The following FBXO43 variants were observed in gnomAD, a reference collection of about 807,000 sequenced individuals.
FBXO43 encodes the protein F-box protein 43.
In FBXO43, 22 loss-of-function variants were observed where a neutral mutation model predicts 56.7. The observed-to-expected ratio is 0.39, with a 90% confidence interval of 0.28 to 0.55. FBXO43 has a LOEUF of 0.55. Among genes scored for constraint, FBXO43 ranks in the 20% least tolerant of loss-of-function variants. FBXO43 has a pLI of 0.66. For synonymous variants in FBXO43, 306 were observed against 294.5 expected (o/e 1.04, Z -0.40); for missense variants, 733 against 814.9 (o/e 0.90, Z 1.22).
intron 2 of FBXO43, among the ~76,000 whole-genome samples, chr8:100,140,321 T>C (rs931822479): frequency 2.6e-5 from 4 of 152,104 alleles, no homozygotes; most frequent in Admixed American, 6.5e-5. Context: ...CTACAAAAAA[T>C]TAGCCGGGCA....
upstream of FBXO43, among the ~76,000 whole-genome samples, chr8:100,148,384 T>C (rs954895450): frequency 6.6e-6 from 1 of 152,162 alleles, no homozygotes; most frequent in Admixed American, 6.6e-5. Flanking sequence ...TGAGCTGTAA[T>C]TTCATATTCT....
Position 100,141,303 on chromosome 8 carries a change from T to C in FBXO43, c.951A>G (p.Ile317Met), listed in dbSNP as rs1354168052. 3 of 1,614,136 alleles carry C rather than the reference T, an allele frequency of 1.9e-6. No individual in the cohort carries two copies. Among genetic ancestry groups the C allele is most frequent in the Non-Finnish European group, 1.7e-6 (2 of 1,180,044 alleles). ...CTCTCACTTCAGGTGAAGGAGAAAG[T>C]ATTTGACTTGCGTTAAATCTAATGT... is the stretch of plus-strand genomic sequence containing the variant. Reference protein sequence around the residue: ...VANIRFNASQILSPSPEVRGS... With the variant: ...VANIRFNASQMLSPSPEVRGS... Residue 317 changes from isoleucine (I) to methionine (M), a missense_variant, in exon 2 of 5, where the codon ATA becomes ATG. Transcript: ENST00000428847.
chr8:100,147,676 T>A (rs1237044538), upstream of FBXO43, among the ~76,000 whole-genome samples: 1 of 152,198 alleles, frequency 6.6e-6, no homozygotes, highest in Non-Finnish European at 1.5e-5. Context: ...AGGAAGCTAC[T>A]GCATTTCTCC....
At position 100,133,723 on chromosome 8, in the gene FBXO43, T is replaced by C. The variant is rs1232864130; in HGVS notation, c.*79A>G. ...TCATCACCTGTCATTAATGGGAAGA[T>C]TTGCATGTATTCAAAATATTCATAA... On this transcript the variant is annotated 3_prime_UTR_variant, in exon 5 of 5. Transcript: ENST00000428847. The C allele has an allele frequency of 1.4e-6, 2 of 1,398,670 alleles. No individual in the cohort carries two copies. Among genetic ancestry groups the C allele is most frequent in the East Asian group, 4.6e-5 (2 of 43,272 alleles). The allele number at this position is 1,398,670 out of a possible 1,614,324, so 86.6% of individuals were successfully genotyped here. A position where few individuals can be genotyped will look rare whatever the true frequency, so the allele number is the denominator to read the frequency against.
upstream of FBXO43, among the ~76,000 whole-genome samples, chr8:100,148,036 C>T (rs954406609): frequency 1.3e-5 from 2 of 152,160 alleles, no homozygotes; most frequent in African/African-American, 4.8e-5. Context: ...GTGTAGTTTA[C>T]TACCTTCTAA....
intron 1 of FBXO43, among the ~76,000 whole-genome samples, chr8:100,144,533 C>T (rs983768979): frequency 6.6e-6 from 1 of 151,062 alleles, no homozygotes; most frequent in Admixed American, 6.6e-5. Flanking sequence ...CTCAACAGTT[C>T]ACGGATAAAT....
Position 100,134,098 on chromosome 8 carries a change from G to T in FBXO43, c.1879-48C>A, listed in dbSNP as rs759919394. On this transcript the variant is annotated intron_variant, in intron 4 of 4. Coordinates refer to ENST00000428847, the MANE Select transcript of FBXO43 (RefSeq NM_001029860.4). ...AAATCTTCTGGTTTCATATAGAGGA[G>T]CACTTTATTTCAAACTCTGTAAATA... 8.7e-6 allele frequency: 14 copies of T among 1,604,600 alleles called. No homozygotes were observed. The South Asian group carries it at 1.6e-4, about 18-fold the overall frequency.
intron 3 of FBXO43, among the ~76,000 whole-genome samples, chr8:100,135,763 C>T (rs1007940894): frequency 2.0e-5 from 3 of 152,022 alleles, no homozygotes; most frequent in Non-Finnish European, 2.9e-5. Context: ...CACCACCACA[C>T]CCAGCTACTT....
Position 100,134,269 on chromosome 8 carries a change from A to C in FBXO43, c.1770T>G (p.Gly590=), listed in dbSNP as rs1234162182. 4 of 1,614,178 alleles carry C rather than the reference A, an allele frequency of 2.5e-6. No individual in the cohort carries two copies. The highest frequency in any genetic ancestry group is 3.4e-6 in the Non-Finnish European group (4 of 1,180,026). ...RSVQAQARIP[G]SQREQGSTLS... is the part of the protein sequence containing the mutation. ...ATGTTGACCCTTGCTCTCTCTGAGA[A>C]CCAGGTATCCTAGCCTGTGCCTGCA... Residue 590 remains glycine, a synonymous_variant, in exon 4 of 5, where the codon GGT becomes GGG. Coordinates refer to ENST00000428847, the MANE Select transcript of FBXO43 (RefSeq NM_001029860.4).
Position 100,145,088 on chromosome 8 carries a change from G to A in FBXO43, c.48C>T (p.Tyr16=). ...KDERISCLEA[Y]VTLTSKSSRF... ...TTGAGCTCTTAGATGTCAAAGTTAC[G>A]TAGGCTTCCAAACAAGAAATTCTCT... is the stretch of plus-strand genomic sequence containing the variant. Residue 16 remains tyrosine, a synonymous_variant, in exon 1 of 5, where the codon TAC becomes TAT. Coordinates refer to ENST00000428847, the MANE Select transcript of FBXO43 (RefSeq NM_001029860.4). 3 of 1,611,976 alleles carry A rather than the reference G, an allele frequency of 1.9e-6. No individual in the cohort carries two copies. Among genetic ancestry groups the A allele is most frequent in the South Asian group, 1.1e-5 (1 of 90,900 alleles).
At chr8:100,148,688 C>A (rs530776973), upstream of FBXO43, among the ~76,000 whole-genome samples, 11 of 152,348 alleles carry the variant, frequency 7.2e-5, no homozygotes, top group East Asian at 1.9e-3. Flanking sequence ...GCTGGGATTA[C>A]AGGCGTGAGC....
chr8:100,140,618 G>A (rs1430855175), intron 2 of FBXO43, 65 bp downstream of exon 2: 7 of 1,298,976 alleles, frequency 5.4e-6, no homozygotes, highest in African/African-American at 1.5e-5. Context: ...AACCACTCAA[G>A]TCACAGAAAA....
intron 3 of FBXO43, among the ~76,000 whole-genome samples, chr8:100,136,424 A>G (rs529695071): frequency 1.3e-5 from 2 of 152,366 alleles, no homozygotes; most frequent in East Asian, 3.9e-4. Context: ...TGAATTAGTG[A>G]ACTCTCAGAA....
chr8:100,137,525 T>G (rs1309748848), intron 3 of FBXO43, 40 bp downstream of exon 3: 2 of 1,343,742 alleles, frequency 1.5e-6, no homozygotes, highest in East Asian at 2.3e-5. Context: ...TTATTATGTA[T>G]TTATACAAAT....
chr8:100,137,742 G>T, intron 2 of FBXO43, 75 bp from the exon 3 acceptor site: 1 of 1,060,928 alleles, frequency 9.4e-7, no homozygotes, highest in East Asian at 2.7e-5. Context: ...GCTAACTAAT[G>T]AGAAAAATTT....
At chr8:100,148,937 C>G (rs1814874707), upstream of FBXO43, among the ~76,000 whole-genome samples, 1 of 152,182 alleles carries the variant, frequency 6.6e-6, no homozygotes, top group Non-Finnish European at 1.5e-5. Flanking sequence ...TAGCAACTTG[C>G]ATCTCCATAA....
At chr8:100,138,244 A>C (rs1814533016) in intron 2 of FBXO43, among the ~76,000 whole-genome samples, 1 of 152,202 alleles carries the variant, frequency 6.6e-6, no homozygotes, top group Non-Finnish European at 1.5e-5. Context: ...TTTATCAATA[A>C]CTTTGATAAT....
At chr8:100,143,758 T>A (rs1291411648) in intron 1 of FBXO43, among the ~76,000 whole-genome samples, 2 of 152,084 alleles carry the variant, frequency 1.3e-5, no homozygotes. Flanking sequence ...ACAGCCCTTT[T>A]ATTTTTAATT....
chr8:100,144,964 A>G (rs1362139188), intron 1 of FBXO43, 87 bp downstream of exon 1: 21 of 1,408,678 alleles, frequency 1.5e-5, no homozygotes, highest in Non-Finnish European at 2.0e-5. Context: ...GAAAAAGAAA[A>G]AAAAGAAAAA....
Sources: gnomAD v4.1 joint callset for allele counts (sites outside exome capture counted in the v4.1 genomes callset) on GRCh38, gnomAD v4.1.1 for gene constraint, MANE v1.5 for transcripts, NCBI Gene and HGNC (gene_info 2026-07-23, HGNC 2026-07-21) for gene names.